The following TACC1 variants were observed in gnomAD, a reference collection of about 807,000 sequenced individuals.
TACC1 encodes transforming acidic coiled-coil-containing protein 1.
In TACC1, 48 loss-of-function variants were observed where a neutral mutation model predicts 84.4. That is an observed-to-expected ratio of 0.57 (90% CI 0.45 to 0.72). The LOEUF (loss-of-function observed/expected upper bound fraction) is 0.72, where lower values mean the gene tolerates loss of function less well. TACC1 is among the 30% of genes least tolerant of loss of function. The probability of loss-of-function intolerance (pLI) is 0.00; values close to 1 mark genes in which losing one functional copy is unlikely to be tolerated. For synonymous variants in TACC1, 372 were observed against 376.3 expected (o/e 0.99, Z 0.13); for missense variants, 920 against 973.0 (o/e 0.95, Z 0.72).
At chr8:38,846,675 A>G (rs1358348107) in intron 11 of TACC1, 24 bp from the exon 12 acceptor site, 1 of 1,612,988 alleles carries the variant, frequency 6.2e-7, no homozygotes, top group Non-Finnish European at 8.5e-7. Flanking sequence ...TTGTCTCTTT[A>G]TTACACCCAA....
At chr8:38,828,287 T>C (rs370531442) in intron 5 of TACC1, among the ~76,000 whole-genome samples, 1 of 152,204 alleles carries the variant, frequency 6.6e-6, no homozygotes, top group Non-Finnish European at 1.5e-5. Flanking sequence ...GTTAAGTGAC[T>C]TGATTAAAGT....
chr8:38,792,911 A>G (rs902785923), intron 2 of TACC1, among the ~76,000 whole-genome samples: 8 of 152,082 alleles, frequency 5.3e-5, no homozygotes, highest in African/African-American at 1.7e-4. Flanking sequence ...TTGTGTTTGC[A>G]TGTGTGTTTA....
intron 2 of TACC1, among the ~76,000 whole-genome samples, chr8:38,816,936 T>G (rs947119271): frequency 1.3e-5 from 2 of 152,172 alleles, no homozygotes; most frequent in Non-Finnish European, 2.9e-5. Context: ...AATCTTGGCT[T>G]GGTCTTTCTG....
Position 38,842,242 on chromosome 8 carries a change from A to G in TACC1, c.1961-45A>G, listed in dbSNP as rs73674605. ...ACTGCTTGTCTTCTAAGGAGTGTCTATTTTTTGAATAAATATGTCATTCCT... is the reference window on the plus strand; with the variant it reads ...ACTGCTTGTCTTCTAAGGAGTGTCTGTTTTTTGAATAAATATGTCATTCCT... On this transcript the variant is annotated intron_variant, in intron 9 of 12. Coordinates refer to ENST00000317827, the MANE Select transcript of TACC1 (RefSeq NM_006283.3). The G allele has an allele frequency of 2.8e-3, 4,490 of 1,588,860 alleles. 92 individuals are homozygous for G. In the African/African-American group the frequency reaches 0.047, roughly 17 times the overall value.
At chr8:38,802,544 A>ATTTTT (rs1271514435) in intron 2 of TACC1, among the ~76,000 whole-genome samples, 1 of 152,220 alleles carries the variant, frequency 6.6e-6, no homozygotes, top group Non-Finnish European at 1.5e-5. Flanking sequence ...ATTGTCTTCC[A>ATTTTT]TGAAACCGGT....
chr8:38,836,166 T>C lies in TACC1; in HGVS notation c.1718T>C (p.Leu573Pro). Residue 573 changes from leucine to proline, a missense_variant, in exon 7 of 13, where the codon CTG becomes CCG. Transcript: ENST00000317827. ...MEEDGSTVLG[L>P]LESSAEKAPV... is the part of the protein sequence containing the mutation. ...GTGTAATCCCTTTCCCCACAGGGGC[T>C]GCTGGAGTCCTCTGCAGAGAAGGCC... 1.2e-6 allele frequency: 2 copies of C among 1,613,430 alleles called. No individual in the cohort carries two copies. Among genetic ancestry groups the C allele is most frequent in the East Asian group, 4.5e-5 (2 of 44,884 alleles).
chr8:38,816,501 C>G (rs1189720596), intron 2 of TACC1, among the ~76,000 whole-genome samples: 1 of 152,194 alleles, frequency 6.6e-6, no homozygotes, highest in Non-Finnish European at 1.5e-5. Context: ...ACTTCAGATA[C>G]CAGTCACAAG....
At chr8:38,735,783 T>G (rs1183533327) in intron 1 of TACC1, among the ~76,000 whole-genome samples, 1 of 152,156 alleles carries the variant, frequency 6.6e-6, no homozygotes, top group Non-Finnish European at 1.5e-5. Flanking sequence ...CCTGCTGGGC[T>G]CCTGACTGAA....
intron 3 of TACC1, among the ~76,000 whole-genome samples, chr8:38,762,889 G>A (rs370772144): frequency 3.9e-5 from 6 of 152,082 alleles, no homozygotes; most frequent in South Asian, 2.1e-4. Context: ...TTTAAGCATC[G>A]TTATACAAGT....
chr8:38,828,542 G>C (rs1828599051), intron 5 of TACC1, among the ~76,000 whole-genome samples: 1 of 152,144 alleles, frequency 6.6e-6, no homozygotes, highest in Non-Finnish European at 1.5e-5. Context: ...AATAAACCAG[G>C]GGAACTTAGC....
At chr8:38,729,866 CAAAAAAGAAAA>C (rs1282033744) in intron 1 of TACC1, among the ~76,000 whole-genome samples, 12 of 150,100 alleles carry the variant, frequency 8.0e-5, no homozygotes, top group African/African-American at 1.2e-4. Context: ...AAGACTGTCT[CAAAAAAGAAAA>C]GAAAAAGAAA....
At chr8:38,760,788 C>T (rs1811063303) in intron 3 of TACC1, among the ~76,000 whole-genome samples, 2 of 152,208 alleles carry the variant, frequency 1.3e-5, no homozygotes, top group South Asian at 2.1e-4. Context: ...TCCCAAAGTG[C>T]TGGGATTACA....
intron 6 of TACC1, among the ~76,000 whole-genome samples, chr8:38,833,256 A>G (rs1474238711): frequency 6.6e-6 from 1 of 152,222 alleles, no homozygotes; most frequent in Non-Finnish European, 1.5e-5. Flanking sequence ...GAAAAGAGGG[A>G]TGAGGAAGGG....
intron 1 of TACC1, 41 bp downstream of exon 1, chr8:38,787,784 C>T: frequency 6.8e-7 from 1 of 1,467,936 alleles, no homozygotes; most frequent in Non-Finnish European, 9.0e-7. Context: ...GACGCGCTTG[C>T]CTCCATCCAT....
intron 3 of TACC1, among the ~76,000 whole-genome samples, chr8:38,773,514 A>G (rs1487731330): frequency 6.0e-5 from 9 of 150,968 alleles, no homozygotes; most frequent in Non-Finnish European, 8.9e-5. Flanking sequence ...TTAAACATAC[A>G]TATTGTCTTT....
intron 10 of TACC1, among the ~76,000 whole-genome samples, 176 bp downstream of exon 10, chr8:38,842,623 T>A (rs1351080148): frequency 6.6e-6 from 1 of 152,258 alleles, no homozygotes; most frequent in Non-Finnish European, 1.5e-5. Context: ...ACATTTTTCC[T>A]TCTTTGGTTG....
At chr8:38,766,520 G>A (rs565036957) in intron 3 of TACC1, among the ~76,000 whole-genome samples, 1 of 152,290 alleles carries the variant, frequency 6.6e-6, no homozygotes, top group South Asian at 2.1e-4. Flanking sequence ...TGGTAAAGAT[G>A]GGAGCTCCCA....
intron 3 of TACC1, chr8:38,757,530 G>T (rs960577236): frequency 1.8e-6 from 2 of 1,102,140 alleles, no homozygotes; most frequent in Non-Finnish European, 2.2e-6. Flanking sequence ...GGCGGCAGCG[G>T]GGCACGAGCG....
intron 4 of TACC1, 88 bp from the exon 5 acceptor site, chr8:38,827,080 G>A: frequency 8.9e-7 from 1 of 1,127,678 alleles, no homozygotes; most frequent in South Asian, 1.4e-5. Context: ...GTATGGAGTT[G>A]TGTCTACTTT....
Sources: gnomAD v4.1 joint callset for allele counts (sites outside exome capture counted in the v4.1 genomes callset) on GRCh38, gnomAD v4.1.1 for gene constraint, MANE v1.5 for transcripts, NCBI Gene and HGNC (gene_info 2026-07-23, HGNC 2026-07-21) for gene names.